The following PDE1B variants were observed in gnomAD, a reference collection of about 807,000 sequenced individuals.
PDE1B encodes phosphodiesterase 1B.
Under a neutral mutation model 66.7 loss-of-function variants are expected in PDE1B, and 13 were observed. That is an observed-to-expected ratio of 0.19 (90% CI 0.13 to 0.31). PDE1B has a LOEUF of 0.31. Among genes scored for constraint, PDE1B ranks in the 10% least tolerant of loss-of-function variants. PDE1B has a pLI of 1.00. For missense variants in PDE1B, 485 were observed against 682.3 expected (o/e 0.71, Z 3.22); for synonymous variants, 230 against 253.9 (o/e 0.91, Z 0.90).
At chr12:54,566,173 G>T (rs1957512052) in intron 2 of PDE1B, among the ~76,000 whole-genome samples, 1 of 152,218 alleles carries the variant, frequency 6.6e-6, no homozygotes, top group Non-Finnish European at 1.5e-5. Flanking sequence ...AACATGAGGT[G>T]ATTGTTCCTT....
At chr12:54,570,922 C>G (rs1565701796) in intron 6 of PDE1B, 1 of 152,174 alleles carries the variant, frequency 6.6e-6, no homozygotes, top group Non-Finnish European at 1.5e-5. Context: ...AGATCCTGTA[C>G]CAGGAGGGAG....
rs1957644774 is a variant in PDE1B at position 54,573,020 on chromosome 12, G to A, written c.736-128G>A. ...ATTTCAGGAGCTGAGAAACCTGGCT[G>A]CATTAACCAAGAGCTGGCCTGGAAG... On this transcript the variant is annotated intron_variant, in intron 7 of 15. Coordinates refer to ENST00000243052, the MANE Select transcript of PDE1B (RefSeq NM_000924.4). The surrounding 1 kb of genome is among the most constrained non-coding windows in gnomAD (Gnocchi z 5.2). The A allele has an allele frequency of 2.7e-6, 2 of 751,640 alleles. No individual in the cohort carries two copies. Among genetic ancestry groups the A allele is most frequent in the African/African-American group, 3.5e-5 (2 of 57,910 alleles). 46.6% of individuals were successfully genotyped at this position (751,640 alleles called of 1,614,324 possible). A position where few individuals can be genotyped will look rare whatever the true frequency, so the allele number is the denominator to read the frequency against.
Position 54,576,591 on chromosome 12 carries a change from C to G in PDE1B, c.1397C>G (p.Ser466Cys), listed in dbSNP as rs778369887. ...TCTAGCTTTCAGTGGCGCCAGCCCT[C>G]TCTGGATGTGGAAGTGGGAGACCCC... ...NQPSFQWRQP[S>C]LDVEVGDPNP... Residue 466 changes from serine to cysteine, a missense_variant, in exon 14 of 16, where the codon TCT becomes TGT. Coordinates refer to ENST00000243052, the MANE Select transcript of PDE1B (RefSeq NM_000924.4). 6.2e-7 allele frequency: 1 copy of G among 1,614,086 alleles called. No individual in the cohort carries two copies. The highest frequency in any genetic ancestry group is 1.7e-5 in the Admixed American group (1 of 60,002).
Position 54,569,736 on chromosome 12 carries a change from CTT to C in PDE1B, c.477+125_477+126del, listed in dbSNP as rs376530079. 1.5e-3 allele frequency: 1,004 copies of C among 671,178 alleles called. 21 individuals are homozygous for C. The South Asian group carries it at 0.016, about 10-fold the overall frequency. The allele number at this position is 671,178 out of a possible 1,614,324, so 41.6% of individuals were successfully genotyped here. A position where few individuals can be genotyped will look rare whatever the true frequency, so the allele number is the denominator to read the frequency against. On this transcript the variant is annotated intron_variant, in intron 5 of 15. Transcript: ENST00000243052. The surrounding 1 kb of genome is among the most constrained non-coding windows in gnomAD (Gnocchi z 4.4). ...TTTTTTTTTGAAATGGAGTCTCGCT[CTT>C]GTCACTCAGGCTGGAGTGCAGTGGC...
chr12:54,568,265 A>G (rs986882940), intron 3 of PDE1B, among the ~76,000 whole-genome samples: 6 of 151,988 alleles, frequency 3.9e-5, no homozygotes, highest in African/African-American at 1.2e-4. Context: ...GGAATTCGAG[A>G]CCAGCCTGGG....
intron 13 of PDE1B, 54 bp downstream of exon 13, chr12:54,576,154 A>G (rs1592175097): frequency 9.3e-7 from 1 of 1,078,544 alleles, no homozygotes; most frequent in Non-Finnish European, 1.4e-6. Context: ...AGTGGTAGGG[A>G]GGGATTTGGA....
chr12:54,577,782 T>C, intron 15 of PDE1B, 78 bp from the exon 16 acceptor site: 1 of 421,010 alleles, frequency 2.4e-6, no homozygotes, highest in Non-Finnish European at 4.2e-6. Flanking sequence ...TGAGTGGGGA[T>C]CAGGACTTGG....
At chr12:54,553,306 G>A (rs896779492) in intron 2 of PDE1B, among the ~76,000 whole-genome samples, 1 of 152,104 alleles carries the variant, frequency 6.6e-6, no homozygotes, top group Non-Finnish European at 1.5e-5. Context: ...TCTTTTCTCT[G>A]CTCCAGTTTC....
At chr12:54,574,973 T>C (rs1260666452) in intron 10 of PDE1B, 125 bp from the exon 11 acceptor site, 21 of 602,294 alleles carry the variant, frequency 3.5e-5, no homozygotes, top group African/African-American at 8.1e-5. Flanking sequence ...AGACCCTGTC[T>C]CAAAAAAAAA....
At chr12:54,567,651 C>T (rs149281749) in intron 3 of PDE1B, among the ~76,000 whole-genome samples, 2 of 152,118 alleles carry the variant, frequency 1.3e-5, no homozygotes, top group East Asian at 3.9e-4. Flanking sequence ...GGACAGAAGA[C>T]TGCTTCAGAG....
In PDE1B at chr12:54,575,655, AG is replaced by A; in HGVS notation, c.1267+27del. On this transcript the variant is annotated intron_variant, in intron 12 of 15. Coordinates refer to ENST00000243052, the MANE Select transcript of PDE1B (RefSeq NM_000924.4). The surrounding 1 kb of genome is among the most constrained non-coding windows in gnomAD (Gnocchi z 4.0). Reference sequence around the variant, plus strand: ...TAGGTGAGTGTCCTCTCCTGCAGGAAGGGGAGGACTGGGAGGGGGAAAAGAT... The same window carrying A: ...TAGGTGAGTGTCCTCTCCTGCAGGAAGGGAGGACTGGGAGGGGGAAAAGAT... 6.6e-7 allele frequency: 1 copy of A among 1,518,662 alleles called. No homozygotes were observed. Among genetic ancestry groups the A allele is most frequent in the Non-Finnish European group, 9.1e-7 (1 of 1,096,154 alleles). The allele number at this position is 1,518,662 out of a possible 1,614,324, so 94.1% of individuals were successfully genotyped here. A position where few individuals can be genotyped will look rare whatever the true frequency, so the allele number is the denominator to read the frequency against.
chr12:54,561,422 T>A, intron 2 of PDE1B: 23 of 1,263,186 alleles, frequency 1.8e-5, no homozygotes, highest in Non-Finnish European at 2.3e-5. Flanking sequence ...CTCTTCTTCC[T>A]GCAGCCAGGC....
chr12:54,565,922 GT>G (rs1957507372), intron 2 of PDE1B, among the ~76,000 whole-genome samples: 1 of 152,130 alleles, frequency 6.6e-6, no homozygotes, highest in Non-Finnish European at 1.5e-5. Flanking sequence ...GACTCATAGG[GT>G]GACCTTGGGT....
chr12:54,550,328 A>T, intron 2 of PDE1B: 1 of 876,386 alleles, frequency 1.1e-6, no homozygotes, highest in South Asian at 3.2e-5. Context: ...ACTCACACAT[A>T]TCCATGTGCA....
chr12:54,571,569 AG>A (rs1247782694), intron 6 of PDE1B: 2 of 152,204 alleles, frequency 1.3e-5, no homozygotes, highest in African/African-American at 4.8e-5. Context: ...CTTTGCTCCA[AG>A]GCAGTTAGAG....
chr12:54,575,282 G>A lies in PDE1B; in HGVS notation c.1185+64G>A, dbSNP rs2121161226. 8.2e-6 allele frequency: 12 copies of A among 1,460,736 alleles called. No individual in the cohort carries two copies. The highest frequency in any genetic ancestry group is 2.3e-5 in the East Asian group (1 of 43,986). The allele number at this position is 1,460,736 out of a possible 1,614,324, so 90.5% of individuals were successfully genotyped here. A position where few individuals can be genotyped will look rare whatever the true frequency, so the allele number is the denominator to read the frequency against. On this transcript the variant is annotated intron_variant, in intron 11 of 15. Transcript: ENST00000243052. The surrounding 1 kb of genome is among the most constrained non-coding windows in gnomAD (Gnocchi z 4.0). ...CCTTCTCTCCCCTTTTGCCCTCCAA[G>A]TTCCCCAATCCTGTTCCACATCCTC...
At position 54,575,012 on chromosome 12, in the gene PDE1B, G is replaced by T; in HGVS notation, c.1065-86G>T. The T allele has an allele frequency of 9.3e-7, 1 of 1,071,242 alleles. No homozygotes were observed. The highest frequency in any genetic ancestry group is 1.5e-5 in the South Asian group (1 of 68,780). The allele number at this position is 1,071,242 out of a possible 1,614,324, so 66.4% of individuals were successfully genotyped here. ...AAAAAAAGGAAGAAGTTATGTGATAGGGTGTGCGTGGGAAGTTAGGGAATG... is the reference window on the plus strand; with the variant it reads ...AAAAAAAGGAAGAAGTTATGTGATATGGTGTGCGTGGGAAGTTAGGGAATG... On this transcript the variant is annotated intron_variant, in intron 10 of 15. Transcript: ENST00000243052. The surrounding 1 kb of genome is among the most constrained non-coding windows in gnomAD (Gnocchi z 4.0).
At chr12:54,550,376 A>G (rs1592360462) in intron 2 of PDE1B, among the ~76,000 whole-genome samples, 1 of 152,380 alleles carries the variant, frequency 6.6e-6, no homozygotes, top group East Asian at 1.9e-4. Flanking sequence ...ATGTGTGTGC[A>G]TGAGTGAGCG....
intron 10 of PDE1B, 127 bp from the exon 11 acceptor site, chr12:54,574,971 T>A: frequency 1.4e-6 from 1 of 712,046 alleles, no homozygotes; most frequent in South Asian, 1.9e-5. Context: ...TGAGACCCTG[T>A]CTCAAAAAAA....
Sources: gnomAD v4.1 joint callset for allele counts (sites outside exome capture counted in the v4.1 genomes callset) on GRCh38, gnomAD v4.1.1 for gene constraint, Gnocchi (gnomAD v3.1) non-coding constraint, MANE v1.5 for transcripts, NCBI Gene and HGNC (gene_info 2026-07-23, HGNC 2026-07-21) for gene names.